MSH3: variants seen among roughly 807,000 people sequenced by gnomAD.
The protein encoded by MSH3 is DNA mismatch repair protein Msh3.
MSH3 carries 106 observed loss-of-function variants against 123.3 expected under a neutral mutation model. That is an observed-to-expected ratio of 0.86 (90% CI 0.73 to 1.01). MSH3 has a LOEUF of 1.01. Ranked by LOEUF, MSH3 falls within the 50% of genes least tolerant of loss-of-function variation. The pLI is 0.00. For synonymous variants in MSH3, 515 were observed against 481.4 expected (o/e 1.07, Z -0.91); for missense variants, 1,459 against 1,347.6 (o/e 1.08, Z -1.29).
chr5:80,861,571 T>C (rs571607284), intron 21 of MSH3, among the ~76,000 whole-genome samples: 21 of 152,200 alleles, frequency 1.4e-4, no homozygotes, highest in Non-Finnish European at 2.9e-4. Flanking sequence ...TAGTTCTTTC[T>C]TTCTTCCCCT....
At chr5:80,670,431 A>C in intron 4 of MSH3, 122 bp downstream of exon 4, 1 of 1,043,188 alleles carries the variant, frequency 9.6e-7, no homozygotes, top group Non-Finnish European at 1.4e-6. Flanking sequence ...CCTTTTAAAA[A>C]ATACTGTTAT....
At chr5:80,737,456 T>C (rs1220485242) in intron 10 of MSH3, among the ~76,000 whole-genome samples, 3 of 152,202 alleles carry the variant, frequency 2.0e-5, no homozygotes, top group South Asian at 2.1e-4. Context: ...GTCTGAAATA[T>C]TGATAAAACT....
At chr5:80,858,346 G>A (rs168653) in intron 21 of MSH3, among the ~76,000 whole-genome samples, 107,108 of 152,166 alleles carry the variant, frequency 0.7, 37,708 homozygotes, top group South Asian at 0.8. Context: ...ACCGCTCCTG[G>A]CCTATAAATT....
Position 80,741,484 on chromosome 5 carries a change from G to A in MSH3, c.1589G>A (p.Ser530Asn). ...SKPENFKQLS[S>N]KMEFMTINGT... Reference sequence around the variant, plus strand: ...TACAGGAATTTTAAACAGCTATCAAGTAAAATGGAATTTATGACAATTAAT... The same window carrying A: ...TACAGGAATTTTAAACAGCTATCAAATAAAATGGAATTTATGACAATTAAT... The change falls in exon 11 of 24, where the codon AGT (serine) becomes AAT (asparagine). Residue 530 changes from serine (S) to asparagine (N), a missense_variant. Coordinates refer to ENST00000265081, the MANE Select transcript of MSH3 (RefSeq NM_002439.5). The A allele has an allele frequency of 6.3e-7, 1 of 1,599,880 alleles. No individual in the cohort carries two copies. The highest frequency in any genetic ancestry group is 1.1e-5 in the South Asian group (1 of 90,788).
At chr5:80,852,017 A>C (rs1017421927) in intron 20 of MSH3, among the ~76,000 whole-genome samples, 5 of 152,204 alleles carry the variant, frequency 3.3e-5, no homozygotes, top group Non-Finnish European at 7.3e-5. Flanking sequence ...ATAATGCTTA[A>C]TCTACTGTAT....
intron 19 of MSH3, among the ~76,000 whole-genome samples, chr5:80,813,314 T>TA (rs1171652612): frequency 1.3e-5 from 2 of 152,186 alleles, no homozygotes; most frequent in Non-Finnish European, 2.9e-5. Context: ...ATAGGCAGAT[T>TA]AAAAAATGCT....
intron 20 of MSH3, among the ~76,000 whole-genome samples, chr5:80,824,431 C>T (rs529822620): frequency 5.3e-4 from 81 of 151,782 alleles, no homozygotes; most frequent in Middle Eastern, 6.8e-3. Flanking sequence ...GGCGGCTGGC[C>T]GGGCGGGGGC....
At position 80,669,593 on chromosome 5, in the gene MSH3, TTCTTTC is replaced by T. The variant is rs549522473; in HGVS notation, c.580-502_580-497del. On this transcript the variant is annotated intron_variant, in intron 3 of 23. Transcript: ENST00000265081. ...TCTTTACCAAGAGAATCATGGTTCT[TTCTTTC>T]TATAAGAATTTATAGAATGTGCTGT... Among the ~76,000 whole-genome samples, 587 of 152,302 alleles carry T rather than the reference TTCTTTC, an allele frequency of 3.9e-3. 3 individuals are homozygous for T. The highest frequency in any genetic ancestry group is 0.013 in the African/African-American group (561 of 41,558).
At chr5:80,747,822 A>G (rs1006199973) in intron 12 of MSH3, among the ~76,000 whole-genome samples, 39 of 152,224 alleles carry the variant, frequency 2.6e-4, no homozygotes, top group Non-Finnish European at 1.0e-4. Flanking sequence ...GGAGCAGTAT[A>G]CTGTACCATA....
chr5:80,863,658 CAAAA>C (rs1037828159), intron 21 of MSH3, among the ~76,000 whole-genome samples: 1 of 110,672 alleles, frequency 9.0e-6, no homozygotes, highest in Non-Finnish European at 1.9e-5. Flanking sequence ...CACTCCGTCT[CAAAA>C]AAAAAAAAAA....
At chr5:80,712,157 G>A (rs980516839) in intron 8 of MSH3, among the ~76,000 whole-genome samples, 4 of 152,154 alleles carry the variant, frequency 2.6e-5, no homozygotes, top group African/African-American at 9.7e-5. Flanking sequence ...ATGCTCCAGT[G>A]CTCTGTCCTG....
chr5:80,854,146 A>AAT lies in MSH3; in HGVS notation c.2838_2839dup (p.Lys947IlefsTer11). The AAT allele has an allele frequency of 6.2e-7, 1 of 1,613,266 alleles. No individual in the cohort carries two copies. Among genetic ancestry groups the AAT allele is most frequent in the Non-Finnish European group, 8.5e-7 (1 of 1,179,354 alleles). ...TGCTTGTAGGATGGGTGCTGCAGAC[A>AAT]ATATATATAAAGGACAGAGTACATT... On this transcript the variant is annotated frameshift_variant, in exon 21 of 24. Coordinates refer to ENST00000265081, the MANE Select transcript of MSH3 (RefSeq NM_002439.5). LOFTEE classifies it high-confidence loss of function.
At chr5:80,808,871 A>ATC (rs1561485207) in intron 19 of MSH3, among the ~76,000 whole-genome samples, 2 of 128,254 alleles carry the variant, frequency 1.6e-5, no homozygotes, top group South Asian at 4.9e-4. Context: ...ATATATATAT[A>ATC]TATATATATA....
Position 80,656,525 on chromosome 5 carries a change from A to G in MSH3, c.352A>G (p.Asn118Asp). The change falls in exon 2 of 24, where the codon AAC becomes GAC. Residue 118 changes from asparagine to aspartate, a missense_variant. Coordinates refer to ENST00000265081, the MANE Select transcript of MSH3 (RefSeq NM_002439.5). ...AGGAAGTGATCTGGGAATGTCTGGC[A>G]ACTCTGGTGAGTTGTGGGGGATTCT... ...EGGSDLGMSG[N>D]SEPKKCLRTR... 1 of 1,614,178 alleles carries G rather than the reference A, an allele frequency of 6.2e-7. No homozygotes were observed. Among genetic ancestry groups the G allele is most frequent in the South Asian group, 1.1e-5 (1 of 91,090 alleles).
intron 8 of MSH3, among the ~76,000 whole-genome samples, chr5:80,699,759 A>G (rs559979093): frequency 2.0e-5 from 3 of 152,218 alleles, no homozygotes; most frequent in African/African-American, 7.2e-5. Context: ...ATTTTTTAAT[A>G]TCACTGTAAA....
chr5:80,795,108 A>G (rs2112029658), intron 19 of MSH3, among the ~76,000 whole-genome samples: 1 of 152,318 alleles, frequency 6.6e-6, no homozygotes, highest in South Asian at 2.1e-4. Context: ...AGCTCAGAGT[A>G]GTAGCGAGCT....
At chr5:80,677,492 T>C (rs188464465) in intron 7 of MSH3, among the ~76,000 whole-genome samples, 163 of 152,326 alleles carry the variant, frequency 1.1e-3, no homozygotes, top group African/African-American at 3.7e-3. Flanking sequence ...GATTGGTATA[T>C]AAATTTACAT....
chr5:80,735,255 G>T (rs1418272082), intron 10 of MSH3, among the ~76,000 whole-genome samples: 1 of 151,834 alleles, frequency 6.6e-6, no homozygotes, highest in Admixed American at 6.6e-5. Context: ...ATGGTGGCAG[G>T]TGCCTGTAAT....
intron 18 of MSH3, among the ~76,000 whole-genome samples, chr5:80,789,434 G>A (rs768155525): frequency 2.7e-5 from 4 of 150,020 alleles, no homozygotes; most frequent in South Asian, 2.1e-4. Context: ...GCAATGGTGC[G>A]ATCTCGGCTC....
Sources: allele counts gnomAD v4.1 joint callset (sites outside exome capture counted in the v4.1 genomes callset), GRCh38; gene constraint gnomAD v4.1.1; transcripts MANE v1.5; gene names NCBI Gene and HGNC (gene_info 2026-07-23, HGNC 2026-07-21).